APBA2: variants seen among roughly 807,000 people sequenced by gnomAD.
APBA2 encodes the protein amyloid beta precursor protein binding family A member 2, also known as amyloid-beta A4 precursor protein-binding family A member 2.
In APBA2, 30 loss-of-function variants were observed where a neutral mutation model predicts 75.0. That is an observed-to-expected ratio of 0.40 (90% CI 0.30 to 0.54). The LOEUF (loss-of-function observed/expected upper bound fraction) is 0.54. APBA2 is among the 20% of genes least tolerant of loss of function. The pLI is 0.49. For missense variants in APBA2, 801 were observed against 1,016.1 expected (o/e 0.79, Z 2.88); for synonymous variants, 444 against 409.6 (o/e 1.08, Z -1.01).
intron 2 of APBA2, among the ~76,000 whole-genome samples, chr15:28,946,523 C>T (rs949316036): frequency 4.6e-5 from 7 of 152,172 alleles, no homozygotes; most frequent in Non-Finnish European, 7.3e-5. Context: ...CCAGTCGACA[C>T]CATGACCTTA....
At position 28,984,621 on chromosome 15, in the gene APBA2, C is replaced by G. The variant is rs533941667; in HGVS notation, c.-94-11132C>G. Among the ~76,000 whole-genome samples the G allele has an allele frequency of 6.6e-5, 10 of 152,120 alleles. No individual in the cohort carries two copies. The South Asian group carries it at 1.7e-3, about 25-fold the overall frequency. ...TAGAAGAGAGGCAGGGTCTCTCTGTCTCTCTCTGGGTGTCCCCCACTGCCA... is the reference window on the plus strand; with the variant it reads ...TAGAAGAGAGGCAGGGTCTCTCTGTGTCTCTCTGGGTGTCCCCCACTGCCA... On this transcript the variant is annotated intron_variant, in intron 2 of 14. Coordinates refer to ENST00000683413, the MANE Select transcript of APBA2 (RefSeq NM_001353788.2).
Position 29,098,543 on chromosome 15 carries a change from C to T in APBA2, c.1305C>T (p.Thr435=), listed in dbSNP as rs944085414. The change falls in exon 9 of 15, where the codon ACC becomes ACT. Residue 435 remains threonine, a synonymous_variant. Transcript: ENST00000683413. ...TLTEVDLFIS[T]QRIKVLNADT... is the part of the protein sequence containing the mutation. Reference sequence around the variant, plus strand: ...CGGAAGTGGACCTCTTCATTTCCACCCAGAGGATCAAGGTTTTAAATGCAG... The same window carrying T: ...CGGAAGTGGACCTCTTCATTTCCACTCAGAGGATCAAGGTTTTAAATGCAG... 6.2e-7 allele frequency: 1 copy of T among 1,614,058 alleles called. No homozygotes were observed. Among genetic ancestry groups the T allele is most frequent in the Non-Finnish European group, 8.5e-7 (1 of 1,179,968 alleles).
rs182176058 is a variant in APBA2 at position 28,890,177 on chromosome 15, G to A, written c.-205+3899G>A. On this transcript the variant is annotated intron_variant, in intron 1 of 14. Coordinates refer to ENST00000683413, the MANE Select transcript of APBA2 (RefSeq NM_001353788.2). ...CATGTAGCACAGACCCTCACTCAGT[G>A]GGCAGTCAGGAAAGAGCTGTAGAAT... Among the ~76,000 whole-genome samples the A allele has an allele frequency of 1.4e-3, 214 of 152,298 alleles. 3 individuals carry two copies. Among genetic ancestry groups the A allele is most frequent in the Admixed American group, 0.011 (175 of 15,304 alleles).
chr15:29,005,707 A>G (rs1259376946), intron 3 of APBA2, among the ~76,000 whole-genome samples: 1 of 152,148 alleles, frequency 6.6e-6, no homozygotes, highest in African/African-American at 2.4e-5. Flanking sequence ...TCTACTAAAA[A>G]TACAAAAATT....
At chr15:29,031,352 G>T (rs1193893177) in intron 3 of APBA2, among the ~76,000 whole-genome samples, 2 of 152,192 alleles carry the variant, frequency 1.3e-5, no homozygotes, top group Admixed American at 1.3e-4. Context: ...GGGAGTCCAA[G>T]ATCAAGGTGT....
chr15:29,049,505 C>T (rs1395566694), intron 3 of APBA2, among the ~76,000 whole-genome samples: 1 of 152,156 alleles, frequency 6.6e-6, no homozygotes, highest in Admixed American at 6.5e-5. Flanking sequence ...CACCTTATTC[C>T]TGTGCCTCTA....
chr15:29,109,815 G>C (rs576784814), intron 13 of APBA2, among the ~76,000 whole-genome samples: 4 of 152,386 alleles, frequency 2.6e-5, no homozygotes, highest in Middle Eastern at 3.4e-3. Context: ...GATCAGCTGA[G>C]AAAATCCATA....
intron 4 of APBA2, among the ~76,000 whole-genome samples, 175 bp downstream of exon 4, chr15:29,055,010 C>T (rs1055000219): frequency 2.6e-5 from 4 of 152,164 alleles, no homozygotes; most frequent in Non-Finnish European, 5.9e-5. Context: ...CGTGGATGCT[C>T]CGGCCACTCT....
chr15:28,890,379 A>G (rs1352002456), intron 1 of APBA2, among the ~76,000 whole-genome samples: 4 of 152,226 alleles, frequency 2.6e-5, no homozygotes, highest in Non-Finnish European at 4.4e-5. Context: ...GTCTCCCTGC[A>G]GTCACCTCGG....
chr15:28,938,262 C>CAA (rs2034991298), intron 2 of APBA2, among the ~76,000 whole-genome samples: 1 of 152,130 alleles, frequency 6.6e-6, no homozygotes, highest in Non-Finnish European at 1.5e-5. Flanking sequence ...TAGGTCCAAA[C>CAA]CACATGGTAT....
chr15:28,935,929 A>G (rs74868029), intron 2 of APBA2, among the ~76,000 whole-genome samples: 2 of 152,356 alleles, frequency 1.3e-5, no homozygotes, highest in Non-Finnish European at 2.9e-5. Context: ...AGAAAGCCCT[A>G]TTCCCACACC....
intron 2 of APBA2, chr15:28,990,934 A>C (rs2038195541): frequency 6.6e-6 from 1 of 152,202 alleles, no homozygotes; most frequent in Non-Finnish European, 1.5e-5. Context: ...ACTCTTGAAG[A>C]CTTAACTTTT....
chr15:28,998,759 G>A (rs1277804240), intron 3 of APBA2, among the ~76,000 whole-genome samples: 3 of 152,242 alleles, frequency 2.0e-5, no homozygotes, highest in Admixed American at 6.5e-5. Context: ...CAGGTGGGAT[G>A]TGATGCAGGA....
intron 2 of APBA2, among the ~76,000 whole-genome samples, chr15:28,985,213 G>A (rs949297916): frequency 1.3e-5 from 2 of 152,196 alleles, no homozygotes; most frequent in Non-Finnish European, 2.9e-5. Context: ...GCTGAGCACG[G>A]CTGCTGTGCT....
chr15:29,053,106 C>G (rs1220883747), intron 3 of APBA2, among the ~76,000 whole-genome samples: 4 of 152,178 alleles, frequency 2.6e-5, no homozygotes, highest in Non-Finnish European at 4.4e-5. Flanking sequence ...GGTCCAGGCC[C>G]TCTCCCAGTT....
intron 3 of APBA2, among the ~76,000 whole-genome samples, chr15:29,003,048 T>G (rs1331257618): frequency 6.6e-6 from 1 of 152,104 alleles, no homozygotes; most frequent in African/African-American, 2.4e-5. Flanking sequence ...TCTGGCTTGA[T>G]GGAGGAGCTA....
At chr15:29,066,700 G>A (rs750180724) in intron 4 of APBA2, among the ~76,000 whole-genome samples, 8 of 151,964 alleles carry the variant, frequency 5.3e-5, no homozygotes, top group Non-Finnish European at 1.2e-4. Flanking sequence ...TGGTTAAGAT[G>A]GTAAATTGTA....
chr15:28,890,543 A>G (rs2032066220), intron 1 of APBA2, among the ~76,000 whole-genome samples: 1 of 152,150 alleles, frequency 6.6e-6, no homozygotes, highest in Non-Finnish European at 1.5e-5. Flanking sequence ...CGCCTGCCTG[A>G]CTGTCTCTTG....
At chr15:28,936,069 C>T (rs1193608962) in intron 2 of APBA2, among the ~76,000 whole-genome samples, 1 of 152,080 alleles carries the variant, frequency 6.6e-6, no homozygotes, top group Non-Finnish European at 1.5e-5. Context: ...TTTTCTTTCT[C>T]CTGAGAGGTT....
Sources: allele counts gnomAD v4.1 joint callset (sites outside exome capture counted in the v4.1 genomes callset), GRCh38; gene constraint gnomAD v4.1.1; transcripts MANE v1.5; gene names NCBI Gene and HGNC (gene_info 2026-07-23, HGNC 2026-07-21).